Variants in OPCML observed in about 807,000 individuals in gnomAD.
The protein encoded by OPCML is opioid binding protein/cell adhesion molecule like, also known as opioid-binding protein/cell adhesion molecule.
Under a neutral mutation model 37.8 loss-of-function variants are expected in OPCML, and 13 were observed. That is an observed-to-expected ratio of 0.34 (90% CI 0.22 to 0.55). The LOEUF (loss-of-function observed/expected upper bound fraction) is 0.55, where lower values mean the gene tolerates loss of function less well. OPCML is among the 20% of genes least tolerant of loss of function. OPCML has a pLI of 0.91. For missense variants in OPCML, 341 were observed against 435.6 expected (o/e 0.78, Z 1.93); for synonymous variants, 176 against 168.8 (o/e 1.04, Z -0.33).
chr11:133,516,373 G>A (rs1457485273), intron 1 of OPCML, among the ~76,000 whole-genome samples: 2 of 152,282 alleles, frequency 1.3e-5, no homozygotes, highest in East Asian at 1.9e-4. Flanking sequence ...AGCCACATCC[G>A]AGGCTTCTAG....
At chr11:133,134,830 G>A (rs1439048453) in intron 1 of OPCML, among the ~76,000 whole-genome samples, 1 of 152,170 alleles carries the variant, frequency 6.6e-6, no homozygotes, top group African/African-American at 2.4e-5. Context: ...CCAGCTACAA[G>A]GCAGCAGGAA....
chr11:133,497,002 A>G (rs370203329), intron 1 of OPCML, among the ~76,000 whole-genome samples: 5 of 152,094 alleles, frequency 3.3e-5, no homozygotes, highest in Middle Eastern at 3.2e-3. Context: ...AATGCTTTCA[A>G]CTTTTCCCCA....
intron 1 of OPCML, among the ~76,000 whole-genome samples, chr11:133,407,102 A>T (rs902560233): frequency 6.6e-6 from 1 of 152,190 alleles, no homozygotes; most frequent in African/African-American, 2.4e-5. Flanking sequence ...TCTAGGTCTG[A>T]GGTTAAACCC....
chr11:132,831,366 G>A (rs945553873), intron 2 of OPCML, among the ~76,000 whole-genome samples: 1 of 152,104 alleles, frequency 6.6e-6, no homozygotes, highest in Non-Finnish European at 1.5e-5. Context: ...TCAGTCAAAG[G>A]GGAATAATCT....
chr11:132,776,572 C>CCT (rs145789442), intron 2 of OPCML, among the ~76,000 whole-genome samples: 5 of 150,610 alleles, frequency 3.3e-5, no homozygotes, highest in Non-Finnish European at 7.4e-5. Flanking sequence ...AGCACTTCCC[C>CCT]CTCTCTCTCT....
intron 1 of OPCML, among the ~76,000 whole-genome samples, chr11:133,234,482 G>A (rs1248489413): frequency 6.6e-6 from 1 of 152,220 alleles, no homozygotes; most frequent in African/African-American, 2.4e-5. Context: ...TGGAAAGCAA[G>A]GAAAGGCGAA....
At chr11:133,353,022 A>C (rs1270949682) in intron 1 of OPCML, among the ~76,000 whole-genome samples, 1 of 152,240 alleles carries the variant, frequency 6.6e-6, no homozygotes, top group Non-Finnish European at 1.5e-5. Flanking sequence ...TAAATGTCGC[A>C]GTTATAGGCT....
At chr11:133,400,828 C>T (rs1199918664) in intron 1 of OPCML, among the ~76,000 whole-genome samples, 2 of 152,072 alleles carry the variant, frequency 1.3e-5, no homozygotes, top group African/African-American at 4.8e-5. Context: ...AGTTGGGATC[C>T]TAAGGTAGTA....
intron 3 of OPCML, among the ~76,000 whole-genome samples, chr11:132,563,596 A>G (rs2096415460): frequency 6.6e-6 from 1 of 151,774 alleles, no homozygotes; most frequent in Non-Finnish European, 1.5e-5. Context: ...AAATTGGTTA[A>G]TTCTATGTTA....
chr11:133,429,956 A>G lies in OPCML; in HGVS notation c.61+102308T>C, dbSNP rs554468005. ...TATACAGATTTTATCAGGAGCAGTGAGTCTGGATGGAAGCGGGGTAGAAGT... is the reference window on the plus strand; with the variant it reads ...TATACAGATTTTATCAGGAGCAGTGGGTCTGGATGGAAGCGGGGTAGAAGT... On this transcript the variant is annotated intron_variant, in intron 1 of 7. Transcript: ENST00000524381. 2.0e-5 allele frequency among the ~76,000 whole-genome samples: 3 copies of G among 152,326 alleles called. No homozygotes were observed. The South Asian group carries it at 6.2e-4, about 32-fold the overall frequency.
intron 1 of OPCML, among the ~76,000 whole-genome samples, chr11:133,337,332 A>G (rs1435384638): frequency 1.3e-5 from 2 of 152,130 alleles, no homozygotes. Flanking sequence ...CCACTCACCT[A>G]CAGTGCTGCT....
chr11:133,500,351 G>C (rs1418774586), intron 1 of OPCML, among the ~76,000 whole-genome samples: 1 of 152,180 alleles, frequency 6.6e-6, no homozygotes, highest in Non-Finnish European at 1.5e-5. Context: ...GTGAACAGTG[G>C]ATGGATTAAC....
At chr11:133,413,729 A>G (rs75354145) in intron 1 of OPCML, among the ~76,000 whole-genome samples, 12,999 of 152,154 alleles carry the variant, frequency 0.085, 1,623 homozygotes, top group African/African-American at 0.27. Flanking sequence ...TCCAGGATGA[A>G]AGCTAACTTT....
chr11:132,682,432 G>T (rs1942988801), intron 2 of OPCML, among the ~76,000 whole-genome samples: 1 of 152,096 alleles, frequency 6.6e-6, no homozygotes. Context: ...CCTTCTCTTT[G>T]TTTTTAACTG....
chr11:132,589,673 G>C (rs561059584), intron 3 of OPCML, among the ~76,000 whole-genome samples: 1 of 152,198 alleles, frequency 6.6e-6, no homozygotes, highest in African/African-American at 2.4e-5. Context: ...TAGGCCACTA[G>C]GATACAGTGG....
intron 1 of OPCML, among the ~76,000 whole-genome samples, chr11:133,017,472 A>G (rs925372912): frequency 4.0e-5 from 6 of 151,772 alleles, no homozygotes; most frequent in African/African-American, 1.5e-4. Context: ...ATCTTGGCTC[A>G]CCACAACCTC....
At chr11:132,864,816 G>T (rs907752736) in intron 2 of OPCML, among the ~76,000 whole-genome samples, 1 of 152,200 alleles carries the variant, frequency 6.6e-6, no homozygotes, top group Non-Finnish European at 1.5e-5. Context: ...GATATTCTTT[G>T]TAAGAATGGT....
At chr11:132,830,232 C>T (rs1162488747) in intron 2 of OPCML, among the ~76,000 whole-genome samples, 1 of 152,204 alleles carries the variant, frequency 6.6e-6, no homozygotes, top group African/African-American at 2.4e-5. Context: ...TCTGGTGTTT[C>T]TTCCAATTAC....
chr11:132,591,154 C>T (rs984861044), intron 3 of OPCML, among the ~76,000 whole-genome samples: 1 of 152,184 alleles, frequency 6.6e-6, no homozygotes, highest in Non-Finnish European at 1.5e-5. Flanking sequence ...GCTGTATAAT[C>T]TCCTGCATGT....
Sources: gnomAD v4.1 joint callset for allele counts (sites outside exome capture counted in the v4.1 genomes callset) on GRCh38, gnomAD v4.1.1 for gene constraint, MANE v1.5 for transcripts, NCBI Gene and HGNC (gene_info 2026-07-23, HGNC 2026-07-21) for gene names.